PROM1: variants seen among roughly 807,000 people sequenced by gnomAD.
PROM1 encodes prominin-1.
A neutral mutation model predicts 116.9 loss-of-function variants in PROM1; 105 were observed. The ratio of observed to expected loss-of-function variants is 0.90; its 90% CI spans 0.77 to 1.06. The LOEUF is 1.06. Among genes scored for constraint, PROM1 ranks in the 50% least tolerant of loss-of-function variants. The pLI, the probability that PROM1 is intolerant of heterozygous loss-of-function variation, is 0.00. For synonymous variants in PROM1, 393 were observed against 387.0 expected (o/e 1.02, Z -0.18); for missense variants, 1,122 against 1,045.2 (o/e 1.07, Z -1.01).
intron 2 of PROM1, among the ~76,000 whole-genome samples, chr4:16,070,964 A>C (rs1256226936): frequency 6.6e-6 from 1 of 152,146 alleles, no homozygotes; most frequent in Non-Finnish European, 1.5e-5. Context: ...ACTGTAATCC[A>C]CTTTATGTCT....
intron 1 of PROM1, chr4:16,083,214 G>C (rs1745367669): frequency 6.6e-6 from 1 of 152,204 alleles, no homozygotes; most frequent in African/African-American, 2.4e-5. Flanking sequence ...TCGTTCCCAA[G>C]ACCCTGGCGA....
intron 22 of PROM1, among the ~76,000 whole-genome samples, 163 bp from the exon 23 acceptor site, chr4:15,984,518 CG>C (rs1718825328): frequency 6.6e-6 from 1 of 152,182 alleles, no homozygotes; most frequent in African/African-American, 2.4e-5. Flanking sequence ...CAGCTAGTAC[CG>C]GTCCACAGCC....
In PROM1 at chr4:16,033,435, C is replaced by T. The variant is rs1442421584; in HGVS notation, c.378G>A (p.Val126=). ...AACGACACATACAAAAGAAATACCC[C>T]ACCAGAGGCATCAGAATAATAAACA... ...GLLFIILMPL[V]GYFFCMCRCC... The change falls in exon 5 of 28, where the codon GTG becomes GTA. Residue 126 remains valine, a synonymous_variant. Transcript: ENST00000447510. The T allele has an allele frequency of 1.2e-6, 2 of 1,613,674 alleles. No homozygotes were observed. Among genetic ancestry groups the T allele is most frequent in the African/African-American group, 1.3e-5 (1 of 75,022 alleles).
chr4:16,076,157 T>C (rs1262730097), intron 1 of PROM1, 39 bp from the exon 2 acceptor site: 1 of 637,384 alleles, frequency 1.6e-6, no homozygotes, highest in African/African-American at 1.8e-5. Flanking sequence ...CATCAATGCG[T>C]GTAAACTGCC....
rs559073198 is a variant in PROM1 at position 15,978,104 on chromosome 4, C to T, written c.2582+1291G>A. 2.0e-5 allele frequency among the ~76,000 whole-genome samples: 3 copies of T among 152,216 alleles called. No homozygotes were observed. In the South Asian group the frequency reaches 6.2e-4, roughly 32 times the overall value. On this transcript the variant is annotated intron_variant, in intron 26 of 27. Coordinates refer to ENST00000447510, the MANE Select transcript of PROM1 (RefSeq NM_006017.3). ...ACCATGTGAGGATTTGGCAAGACAA[C>T]GCCACCTATGAGAAAGTGGTCCTTC... is the stretch of plus-strand genomic sequence containing the variant.
intron 19 of PROM1, among the ~76,000 whole-genome samples, chr4:15,988,149 T>G (rs1378779329): frequency 6.6e-6 from 1 of 152,218 alleles, no homozygotes; most frequent in Non-Finnish European, 1.5e-5. Context: ...GTGCTGGGAT[T>G]ACAGGTGTGA....
intron 25 of PROM1, 51 bp from the exon 26 acceptor site, chr4:15,979,514 G>A (rs2149033070): frequency 6.4e-7 from 1 of 1,557,286 alleles, no homozygotes; most frequent in Non-Finnish European, 8.7e-7. Context: ...CTAAGATGAA[G>A]TATTTACATC....
chr4:16,057,446 A>G (rs1739315391), intron 2 of PROM1, among the ~76,000 whole-genome samples: 1 of 152,258 alleles, frequency 6.6e-6, no homozygotes, highest in Non-Finnish European at 1.5e-5. Context: ...AGACTCCTAC[A>G]TGAAGTAATC....
At chr4:16,024,413 AGGGC>A in intron 6 of PROM1, 55 bp from the exon 7 acceptor site, 2 of 1,417,754 alleles carry the variant, frequency 1.4e-6, no homozygotes, top group Admixed American at 2.2e-5. Flanking sequence ...AGGCAATAAG[AGGGC>A]AAAAAGAGAT....
At position 16,018,480 on chromosome 4, in the gene PROM1, T is replaced by C; in HGVS notation, c.845A>G (p.Gln282Arg). The C allele has an allele frequency of 4.3e-6, 7 of 1,613,168 alleles. No homozygotes were observed. The highest frequency in any genetic ancestry group is 5.1e-6 in the Non-Finnish European group (6 of 1,179,840). Residue 282 changes from glutamine to arginine, a missense_variant, in exon 9 of 28, where the codon CAA (glutamine) becomes CGA (arginine). Coordinates refer to ENST00000447510, the MANE Select transcript of PROM1 (RefSeq NM_006017.3). ...NMNSTLKSLH[Q>R]QSTQLSSSLT... ...ACTGCTGCTAAGCTGTGTACTTTGT[T>C]GGTGCAAGCTCTTCAAGGTGCTGTT... is the stretch of plus-strand genomic sequence containing the variant.
At chr4:15,980,824 G>A (rs1166954433) in intron 23 of PROM1, among the ~76,000 whole-genome samples, 4 of 152,008 alleles carry the variant, frequency 2.6e-5, no homozygotes, top group Admixed American at 6.5e-5. Context: ...GCCAGGATGC[G>A]AATCTAGGCC....
At position 15,994,048 on chromosome 4, in the gene PROM1, G is replaced by C; in HGVS notation, c.1706C>G (p.Thr569Ser). Residue 569 changes from threonine to serine, a missense_variant, in exon 16 of 28, where the codon ACT becomes AGT. Transcript: ENST00000447510. ...VYSDCKKNRG[T>S]YGTLHLQNSF... ...GTTCTGCAGGTGAAGAGTGCCGTAA[G>C]TGCCTCTATTTTTTTTGCAGTCACT... 6.2e-7 allele frequency: 1 copy of C among 1,613,994 alleles called. No homozygotes were observed. The highest frequency in any genetic ancestry group is 8.5e-7 in the Non-Finnish European group (1 of 1,179,876).
intron 2 of PROM1, among the ~76,000 whole-genome samples, chr4:16,072,976 C>T (rs1743138118): frequency 6.6e-6 from 1 of 152,156 alleles, no homozygotes; most frequent in Non-Finnish European, 1.5e-5. Context: ...CCAATCAGCA[C>T]TCCCCACTTT....
At chr4:16,063,857 G>C (rs1244711874) in intron 2 of PROM1, among the ~76,000 whole-genome samples, 1 of 152,136 alleles carries the variant, frequency 6.6e-6, no homozygotes, top group Non-Finnish European at 1.5e-5. Flanking sequence ...ACTGGGATTT[G>C]CTTCAAAGTA....
intron 13 of PROM1, among the ~76,000 whole-genome samples, chr4:16,001,962 A>G (rs1175794627): frequency 6.6e-6 from 1 of 152,136 alleles, no homozygotes; most frequent in Non-Finnish European, 1.5e-5. Flanking sequence ...AAGGAATGGG[A>G]TTGAGAATAT....
chr4:16,007,810 T>C (rs1725894379), intron 12 of PROM1, among the ~76,000 whole-genome samples: 2 of 152,200 alleles, frequency 1.3e-5, no homozygotes. Context: ...CTGCCTTCTG[T>C]TTGTTCTGAG....
intron 25 of PROM1, 71 bp from the exon 26 acceptor site, chr4:15,979,534 A>G (rs1482642287): frequency 2.0e-6 from 3 of 1,517,938 alleles, no homozygotes; most frequent in Non-Finnish European, 2.6e-6. Context: ...CATGGATTAC[A>G]AAGACAATGT....
intron 2 of PROM1, chr4:16,055,399 G>T (rs764660053): frequency 2.9e-5 from 13 of 456,110 alleles, no homozygotes; most frequent in South Asian, 2.0e-4. Context: ...TCATTTGGCT[G>T]CAGGGTCTTA....
intron 4 of PROM1, 31 bp downstream of exon 4, chr4:16,035,704 A>G: frequency 6.3e-7 from 1 of 1,594,436 alleles, no homozygotes; most frequent in South Asian, 1.1e-5. Context: ...GCTTTCCAAG[A>G]GCAACTTGAA....
Sources: allele counts gnomAD v4.1 joint callset (sites outside exome capture counted in the v4.1 genomes callset), GRCh38; gene constraint gnomAD v4.1.1; transcripts MANE v1.5; gene names NCBI Gene and HGNC (gene_info 2026-07-23, HGNC 2026-07-21).